CAMK1D: variants seen among roughly 807,000 people sequenced by gnomAD.
CAMK1D encodes calcium/calmodulin-dependent protein kinase type 1D.
CAMK1D carries 9 observed loss-of-function variants against 47.7 expected under a neutral mutation model. The observed-to-expected ratio is 0.19, with a 90% CI of 0.11 to 0.33. The LOEUF (loss-of-function observed/expected upper bound fraction) is 0.33, where lower values mean the gene tolerates loss of function less well. CAMK1D is among the 10% of genes least tolerant of loss of function. The pLI, the probability that CAMK1D is intolerant of heterozygous loss-of-function variation, is 1.00. For missense variants in CAMK1D, 291 were observed against 488.7 expected, an observed-to-expected ratio of 0.60 and a Z score of 3.81; for synonymous variants, 184 against 184.9, an observed-to-expected ratio of 0.99 and a Z score of 0.04.
At chr10:12,437,463 G>C (rs1372875743) in intron 1 of CAMK1D, among the ~76,000 whole-genome samples, 1 of 152,184 alleles carries the variant, frequency 6.6e-6, no homozygotes, top group African/African-American at 2.4e-5. Context: ...CCAAAGTGCT[G>C]GGATTACAGG....
At chr10:12,651,176 T>G (rs756329638) in intron 2 of CAMK1D, among the ~76,000 whole-genome samples, 3 of 152,166 alleles carry the variant, frequency 2.0e-5, no homozygotes, top group Non-Finnish European at 4.4e-5. Context: ...TCTGCCTGCC[T>G]AGTGAACTAA....
At chr10:12,371,498 C>A (rs981073068) in intron 1 of CAMK1D, among the ~76,000 whole-genome samples, 4 of 151,064 alleles carry the variant, frequency 2.6e-5, no homozygotes. Flanking sequence ...ATGGCGTGAA[C>A]CCAGTAGGCG....
chr10:12,755,522 T>C (rs1836187208), intron 3 of CAMK1D, among the ~76,000 whole-genome samples: 1 of 152,210 alleles, frequency 6.6e-6, no homozygotes, highest in South Asian at 2.1e-4. Context: ...TACCCAGTAA[T>C]GGGGTTGCTG....
chr10:12,396,607 A>G (rs1838965714), intron 1 of CAMK1D, among the ~76,000 whole-genome samples: 2 of 152,150 alleles, frequency 1.3e-5, no homozygotes, highest in African/African-American at 4.8e-5. Flanking sequence ...TGCTATCTCA[A>G]CTTTCTGTCT....
intron 2 of CAMK1D, among the ~76,000 whole-genome samples, chr10:12,561,617 G>C (rs1378648145): frequency 6.6e-6 from 1 of 152,178 alleles, no homozygotes; most frequent in African/African-American, 2.4e-5. Flanking sequence ...CTTTGTTTCT[G>C]ACCATTATTT....
chr10:12,378,552 T>C (rs1838251485), intron 1 of CAMK1D, among the ~76,000 whole-genome samples: 1 of 151,974 alleles, frequency 6.6e-6, no homozygotes, highest in Non-Finnish European at 1.5e-5. Context: ...ATTTTTTTTT[T>C]TTTTGAACAA....
At chr10:12,583,085 T>C (rs12569818) in intron 2 of CAMK1D, among the ~76,000 whole-genome samples, 8,210 of 152,104 alleles carry the variant, frequency 0.054, 292 homozygotes, top group East Asian at 0.15. Flanking sequence ...AAGAACGAGA[T>C]TCTGTCTCAA....
chr10:12,446,618 T>C (rs1480531138), intron 1 of CAMK1D, among the ~76,000 whole-genome samples: 1 of 152,230 alleles, frequency 6.6e-6, no homozygotes, highest in Non-Finnish European at 1.5e-5. Flanking sequence ...CTACTCAAGA[T>C]GGAGTTGATC....
Position 12,419,214 on chromosome 10 carries a change from A to T in CAMK1D, c.92+69304A>T, listed in dbSNP as rs546536556. Among the ~76,000 whole-genome samples, 3 of 152,214 alleles carry T rather than the reference A, an allele frequency of 2.0e-5. No individual in the cohort carries two copies. In the South Asian group the frequency reaches 6.2e-4, roughly 32 times the overall value. ...TTTTCCTCAAAACTCAACAGCCATG[A>T]TCTCATGAATACTCACCCCTACTTT... On this transcript the variant is annotated intron_variant, in intron 1 of 10. Transcript: ENST00000619168.
intron 1 of CAMK1D, among the ~76,000 whole-genome samples, chr10:12,552,356 A>G (rs1450651930): frequency 1.3e-5 from 2 of 152,140 alleles, no homozygotes; most frequent in East Asian, 1.9e-4. Flanking sequence ...GAGCACTTGC[A>G]CCCCATGACC....
At chr10:12,828,383 G>A (rs544269207) in intron 10 of CAMK1D, among the ~76,000 whole-genome samples, 68 of 152,228 alleles carry the variant, frequency 4.5e-4, no homozygotes, top group Non-Finnish European at 8.2e-4. Flanking sequence ...GCTCACACCC[G>A]TAATCCCAGC....
chr10:12,456,025 C>T (rs1111064), intron 1 of CAMK1D, among the ~76,000 whole-genome samples: 8,869 of 152,164 alleles, frequency 0.058, 640 homozygotes, highest in African/African-American at 0.16. Flanking sequence ...TGTGAAAGTA[C>T]ATTGTTTCCT....
intron 1 of CAMK1D, among the ~76,000 whole-genome samples, chr10:12,381,100 A>G (rs1240138980): frequency 1.3e-5 from 2 of 152,224 alleles, no homozygotes; most frequent in African/African-American, 4.8e-5. Flanking sequence ...GAAATAAAAA[A>G]GGAAGTAGGA....
At chr10:12,661,707 G>C (rs1840279578) in intron 2 of CAMK1D, among the ~76,000 whole-genome samples, 1 of 152,200 alleles carries the variant, frequency 6.6e-6, no homozygotes, top group Admixed American at 6.5e-5. Context: ...TGAAATGTTT[G>C]AGAAAACAAT....
intron 4 of CAMK1D, 114 bp downstream of exon 4, chr10:12,761,200 G>A: frequency 1.6e-6 from 2 of 1,243,810 alleles, no homozygotes; most frequent in Admixed American, 2.4e-5. Context: ...AGTGGGTGCA[G>A]CAGATGGTGG....
chr10:12,439,774 T>C (rs1158047925), intron 1 of CAMK1D, among the ~76,000 whole-genome samples: 2 of 152,382 alleles, frequency 1.3e-5, no homozygotes, highest in East Asian at 1.9e-4. Flanking sequence ...TTCACGCTGC[T>C]GATGAAGACA....
intron 6 of CAMK1D, among the ~76,000 whole-genome samples, chr10:12,807,801 A>C (rs909110148): frequency 6.6e-6 from 1 of 152,106 alleles, no homozygotes; most frequent in South Asian, 2.1e-4. Context: ...GTCCAGCTCC[A>C]CTGCAGGCCC....
intron 1 of CAMK1D, among the ~76,000 whole-genome samples, chr10:12,480,216 G>A (rs927622507): frequency 2.0e-5 from 3 of 152,030 alleles, no homozygotes; most frequent in Non-Finnish European, 1.5e-5. Context: ...TCGGGAGGCC[G>A]AGATGGGTGG....
chr10:12,667,490 C>T (rs1840471153), intron 3 of CAMK1D, among the ~76,000 whole-genome samples: 1 of 152,204 alleles, frequency 6.6e-6, no homozygotes, highest in Non-Finnish European at 1.5e-5. Flanking sequence ...ATTAGCCTCC[C>T]TGCCTGCATA....
Sources: gnomAD v4.1 joint callset for allele counts (sites outside exome capture counted in the v4.1 genomes callset) on GRCh38, gnomAD v4.1.1 for gene constraint, MANE v1.5 for transcripts, NCBI Gene and HGNC (gene_info 2026-07-23, HGNC 2026-07-21) for gene names.